The following NBN variants were observed in gnomAD, a reference collection of about 807,000 sequenced individuals.
The protein encoded by NBN is nibrin, also known as Nijmegen breakage syndrome 1 (nibrin).
NBN carries 88 observed loss-of-function variants against 90.8 expected under a neutral mutation model. The observed-to-expected ratio is 0.97, with a 90% CI of 0.82 to 1.16. NBN has a LOEUF of 1.16. NBN is among the 50% of genes most tolerant of loss of function. The pLI is 0.00. For missense variants in NBN, 894 were observed against 869.6 expected (o/e 1.03, Z -0.35); for synonymous variants, 328 against 295.1 (o/e 1.11, Z -1.14).
chr8:89,945,853 G>T (rs1318369455), intron 13 of NBN, among the ~76,000 whole-genome samples: 2 of 152,122 alleles, frequency 1.3e-5, no homozygotes, highest in Admixed American at 1.3e-4. Flanking sequence ...TAGACTAACA[G>T]AGAAGATCCT....
In NBN at chr8:89,966,361, TATAAG is replaced by T. The variant is rs1308331337; in HGVS notation, c.897-1859_897-1855del. Among the ~76,000 whole-genome samples the T allele has an allele frequency of 5.3e-5, 8 of 152,250 alleles. No individual in the cohort carries two copies. In the East Asian group the frequency reaches 1.5e-3, roughly 29 times the overall value. On this transcript the variant is annotated intron_variant, in intron 7 of 15. Transcript: ENST00000265433. ...AGAGGAGTCTGGCAAGATGGCTGGA[TATAAG>T]ATGATTATCTGAATGTCAGCTGAAT... is the stretch of plus-strand genomic sequence containing the variant.
chr8:89,978,865 TAAACTC>T (rs1182469481), intron 4 of NBN, among the ~76,000 whole-genome samples: 8 of 152,168 alleles, frequency 5.3e-5, no homozygotes, highest in Non-Finnish European at 8.8e-5. Context: ...AAAAGAAACT[TAAACTC>T]ACATGTGAAT....
chr8:89,980,645 T>C (rs1812013565), intron 4 of NBN, 89 bp downstream of exon 4: 2 of 1,103,208 alleles, frequency 1.8e-6, no homozygotes, highest in Non-Finnish European at 2.7e-6. Context: ...CTGATAGTTT[T>C]AAAGTAATTA....
chr8:89,964,173 A>C (rs1586075193), intron 8 of NBN, among the ~76,000 whole-genome samples: 1 of 152,232 alleles, frequency 6.6e-6, no homozygotes, highest in East Asian at 1.9e-4. Context: ...CTTGATCTTC[A>C]GAACATAAAG....
At chr8:89,944,324 G>A (rs1052543289) in intron 13 of NBN, among the ~76,000 whole-genome samples, 1 of 152,058 alleles carries the variant, frequency 6.6e-6, no homozygotes, top group Admixed American at 6.6e-5. Flanking sequence ...ATCTAAAGTC[G>A]GCTTCTGATT....
At chr8:89,984,285 G>T in intron 1 of NBN, 3 of 600,232 alleles carry the variant, frequency 5.0e-6, no homozygotes, top group Non-Finnish European at 6.1e-6. Context: ...GGAGGGGCGC[G>T]GAGGACTGCC....
rs1063045 is a variant in NBN, at chr8:89,982,791, C to T, written c.102G>A (p.Leu34=). 541,488 of 1,612,414 alleles carry T rather than the reference C, an allele frequency of 0.34. 92,617 individuals are homozygous for T. Among genetic ancestry groups the T allele is most frequent in the East Asian group, 0.48 (21,349 of 44,828 alleles). Residue 34 remains leucine (L), a synonymous_variant, in exon 2 of 16, where the codon CTG becomes CTA. Transcript: ENST00000265433. ...YVVGRKNCAI[L]IENDQSISRN... ...GGCTGATCGACTGATCATTTTCAATCAGAATGGCACAGTTTTTCCTTCCAA... is the reference window on the plus strand; with the variant it reads ...GGCTGATCGACTGATCATTTTCAATTAGAATGGCACAGTTTTTCCTTCCAA...
At position 89,946,180 on chromosome 8, in the gene NBN, T is replaced by A. The variant is rs2130763851; in HGVS notation, c.2030A>T (p.Asp677Val). ...STSRNPSGIN[D>V]DYGQLKNFKK... Reference sequence around the variant, plus strand: ...GAAATTTTTTAGTTGACCATAATCATCATTTATGCCAGATGGATTTCTGGA... The same window carrying A: ...GAAATTTTTTAGTTGACCATAATCAACATTTATGCCAGATGGATTTCTGGA... The change falls in exon 13 of 16, where the codon GAT (aspartate) becomes GTT (valine). Residue 677 changes from aspartate (D) to valine (V), a missense_variant. Coordinates refer to ENST00000265433, the MANE Select transcript of NBN (RefSeq NM_002485.5). The A allele has an allele frequency of 6.2e-7, 1 of 1,602,192 alleles. No homozygotes were observed. The highest frequency in any genetic ancestry group is 2.2e-5 in the East Asian group (1 of 44,634).
At position 89,970,393 on chromosome 8, in the gene NBN, C is replaced by A. The variant is rs1060503475; in HGVS notation, c.867G>T (p.Trp289Cys). ...QTLIPDCQKKWIQSIMDMLQR... is the reference protein window; with the variant it reads ...QTLIPDCQKKCIQSIMDMLQR... ...GGAGCATATCCATTATTGACTGAAT[C>A]CATTTCTTCTGACAGTCAGGAATTA... The change falls in exon 7 of 16, where the codon TGG (tryptophan) becomes TGT (cysteine). Residue 289 changes from tryptophan to cysteine, a missense_variant. Physicochemically the swap from Trp to Cys is radical, Grantham distance 215. Transcript: ENST00000265433. 1 of 1,613,414 alleles carries A rather than the reference C, an allele frequency of 6.2e-7. No individual in the cohort carries two copies. The highest frequency in any genetic ancestry group is 8.5e-7 in the Non-Finnish European group (1 of 1,179,472).
At chr8:89,963,479 G>T (rs1811092977) in intron 8 of NBN, among the ~76,000 whole-genome samples, 1 of 152,130 alleles carries the variant, frequency 6.6e-6, no homozygotes, top group African/African-American at 2.4e-5. Context: ...TTAGATAAAA[G>T]TTAGTAGAGA....
chr8:89,975,903 T>C (rs1015226559), intron 5 of NBN, among the ~76,000 whole-genome samples: 7 of 152,242 alleles, frequency 4.6e-5, no homozygotes, highest in Non-Finnish European at 1.0e-4. Flanking sequence ...ATGTACTTCC[T>C]CAGGGAGGTT....
intron 5 of NBN, 63 bp from the exon 6 acceptor site, chr8:89,971,353 C>T (rs981627219): frequency 2.2e-5 from 33 of 1,527,924 alleles, no homozygotes; most frequent in African/African-American, 5.6e-5. Context: ...AAATTGTAAA[C>T]GGAGTGACTA....
rs750375741 is a variant in NBN, at chr8:89,982,750, AAC to A, written c.141_142del (p.Leu48AsnfsTer3). 3 of 1,614,028 alleles carry A rather than the reference AAC, an allele frequency of 1.9e-6. No individual in the cohort carries two copies. The highest frequency in any genetic ancestry group is 8.5e-7 in the Non-Finnish European group (1 of 1,179,924). On this transcript the variant is annotated frameshift_variant, in exon 2 of 16. Coordinates refer to ENST00000265433, the MANE Select transcript of NBN (RefSeq NM_002485.5). LOFTEE classifies it high-confidence loss of function. ...GTTGGTTACAGAAAAGTTAGCAGTT[AAC>A]ACAGCATGATTTCGGCTGATCGACT...
chr8:89,978,875 T>C (rs943162815), intron 4 of NBN, among the ~76,000 whole-genome samples: 1 of 152,158 alleles, frequency 6.6e-6, no homozygotes, highest in African/African-American at 2.4e-5. Flanking sequence ...TAAACTCACA[T>C]GTGAATTAAG....
chr8:89,980,686 A>G (rs765399095), intron 4 of NBN, 48 bp downstream of exon 4: 2 of 1,521,392 alleles, frequency 1.3e-6, no homozygotes, highest in East Asian at 2.3e-5. Context: ...GGGTAAGCTT[A>G]AATTCAAATA....
chr8:89,947,084 T>C (rs1339954872), intron 12 of NBN, among the ~76,000 whole-genome samples: 1 of 152,176 alleles, frequency 6.6e-6, no homozygotes, highest in Non-Finnish European at 1.5e-5. Flanking sequence ...AAAAGGTTCA[T>C]CTGATAGTGA....
rs772466522 is a variant in NBN, at chr8:89,955,572, G to T, written c.1125-17C>A. The stretch of plus-strand genomic sequence containing the variant: ...CTCAAATCCCTGTAGAAAAAGAAAA[G>T]AATGCAAGGTAAATAATCAAGTTTA... On this transcript the variant is annotated splice_polypyrimidine_tract_variant and intron_variant, in intron 9 of 15. Transcript: ENST00000265433. The T allele has an allele frequency of 6.2e-7, 1 of 1,609,928 alleles. No homozygotes were observed. The highest frequency in any genetic ancestry group is 8.5e-7 in the Non-Finnish European group (1 of 1,178,536).
intron 14 of NBN, among the ~76,000 whole-genome samples, chr8:89,938,118 C>G (rs988805179): frequency 3.3e-5 from 5 of 152,086 alleles, no homozygotes; most frequent in Non-Finnish European, 7.4e-5. Flanking sequence ...TACAGAATTC[C>G]CAGGATGCTT....
intron 14 of NBN, among the ~76,000 whole-genome samples, chr8:89,938,795 A>G (rs1008486003): frequency 1.1e-4 from 16 of 152,222 alleles, no homozygotes; most frequent in African/African-American, 3.4e-4. Flanking sequence ...ATTTTCTAAT[A>G]GGGATAGCAA....
Sources: allele counts gnomAD v4.1 joint callset (sites outside exome capture counted in the v4.1 genomes callset), GRCh38; gene constraint gnomAD v4.1.1; transcripts MANE v1.5; gene names NCBI Gene and HGNC (gene_info 2026-07-23, HGNC 2026-07-21).